CCDC178: variants seen among roughly 807,000 people sequenced by gnomAD.
CCDC178 encodes coiled-coil domain containing 178.
In CCDC178, 126 loss-of-function variants were observed where a neutral mutation model predicts 117.4. The observed-to-expected ratio is 1.07, with a 90% CI of 0.93 to 1.24. The LOEUF (loss-of-function observed/expected upper bound fraction) is 1.24. Ranked by LOEUF, CCDC178 falls within the 50% of genes most tolerant of loss-of-function variation. CCDC178 has a pLI of 0.00. For synonymous variants in CCDC178, 283 were observed against 313.4 expected (o/e 0.90, Z 1.02); for missense variants, 1,030 against 986.9 (o/e 1.04, Z -0.59).
intron 3 of CCDC178, among the ~76,000 whole-genome samples, chr18:33,405,943 A>G (rs891039582): frequency 2.6e-5 from 4 of 152,072 alleles, no homozygotes; most frequent in African/African-American, 9.7e-5. Context: ...TAAGAATACT[A>G]TATAAGTATA....
At chr18:33,309,905 CAAAAT>C (rs2062312067) in intron 11 of CCDC178, among the ~76,000 whole-genome samples, 1 of 151,614 alleles carries the variant, frequency 6.6e-6, no homozygotes, top group African/African-American at 2.4e-5. Context: ...TTGTCCAAAA[CAAAAT>C]GATTGTTTTT....
chr18:32,984,896 CT>C (rs1188960429), intron 21 of CCDC178, among the ~76,000 whole-genome samples: 1 of 151,814 alleles, frequency 6.6e-6, no homozygotes, highest in Non-Finnish European at 1.5e-5. Context: ...AATTAAGTAC[CT>C]TGATTTTAAA....
intron 22 of CCDC178, among the ~76,000 whole-genome samples, chr18:32,946,960 TTAG>T (rs1410579900): frequency 1.3e-5 from 2 of 151,988 alleles, no homozygotes; most frequent in African/African-American, 2.4e-5. Context: ...TTTTGTATTT[TTAG>T]TAGAGACGGG....
At chr18:33,003,485 T>A (rs1242205312) in intron 21 of CCDC178, among the ~76,000 whole-genome samples, 1 of 152,070 alleles carries the variant, frequency 6.6e-6, no homozygotes, top group Non-Finnish European at 1.5e-5. Context: ...AAATTTAACA[T>A]CCTTTCATAA....
intron 10 of CCDC178, among the ~76,000 whole-genome samples, chr18:33,331,697 A>G (rs369077141): frequency 1.3e-5 from 2 of 152,276 alleles, no homozygotes; most frequent in African/African-American, 4.8e-5. Flanking sequence ...GTCTATTACT[A>G]AAAAAGGAGG....
intron 19 of CCDC178, among the ~76,000 whole-genome samples, chr18:33,213,269 G>A (rs572056499): frequency 5.7e-4 from 87 of 151,884 alleles, no homozygotes; most frequent in Non-Finnish European, 6.6e-4. Context: ...TCTGCTCTTC[G>A]TTATAGCTGT....
chr18:33,267,081 A>G (rs1326516941), intron 13 of CCDC178, 29 bp from the exon 14 acceptor site: 25 of 1,562,230 alleles, frequency 1.6e-5, no homozygotes, highest in Non-Finnish European at 2.2e-5. Flanking sequence ...AGAATCATTC[A>G]TACATGTCTA....
At chr18:33,032,862 A>G (rs769449699) in intron 21 of CCDC178, among the ~76,000 whole-genome samples, 1 of 152,008 alleles carries the variant, frequency 6.6e-6, no homozygotes, top group Non-Finnish European at 1.5e-5. Context: ...GAAATCTGAC[A>G]CCCTTAATTA....
At chr18:33,301,761 T>A (rs1026630839) in intron 11 of CCDC178, among the ~76,000 whole-genome samples, 3 of 152,228 alleles carry the variant, frequency 2.0e-5, no homozygotes, top group African/African-American at 7.2e-5. Context: ...ACCCAGTGCC[T>A]ATACTACCAT....
At chr18:33,043,077 G>A (rs909994571) in intron 21 of CCDC178, among the ~76,000 whole-genome samples, 1 of 151,932 alleles carries the variant, frequency 6.6e-6, no homozygotes. Flanking sequence ...AAATTCATTT[G>A]AAGAAAATAC....
intron 20 of CCDC178, among the ~76,000 whole-genome samples, chr18:33,103,253 C>A (rs1215312698): frequency 6.6e-6 from 1 of 151,696 alleles, no homozygotes; most frequent in African/African-American, 2.4e-5. Flanking sequence ...ATAAAACCAT[C>A]AGATCTAGTG....
chr18:33,228,093 G>T (rs2059329182), intron 15 of CCDC178, among the ~76,000 whole-genome samples: 1 of 152,132 alleles, frequency 6.6e-6, no homozygotes, highest in African/African-American at 2.4e-5. Context: ...GTATGTATGG[G>T]CATGTGTGCT....
chr18:33,377,277 C>T (rs2063379269), intron 5 of CCDC178, among the ~76,000 whole-genome samples: 1 of 149,338 alleles, frequency 6.7e-6, no homozygotes, highest in Non-Finnish European at 1.5e-5. Flanking sequence ...GTCTTTTGCC[C>T]ACTTCTTAAT....
At chr18:33,371,790 C>T (rs1179928584) in intron 5 of CCDC178, among the ~76,000 whole-genome samples, 15 of 124,314 alleles carry the variant, frequency 1.2e-4, no homozygotes, top group African/African-American at 3.8e-4. Context: ...TATATACACA[C>T]ACACACACAC....
chr18:33,386,878 A>G (rs2063500291), intron 5 of CCDC178, among the ~76,000 whole-genome samples: 1 of 152,164 alleles, frequency 6.6e-6, no homozygotes, highest in Non-Finnish European at 1.5e-5. Flanking sequence ...GCAATCACGT[A>G]AGGGAAAAAA....
intron 6 of CCDC178, 84 bp from the exon 7 acceptor site, chr18:33,356,430 T>C (rs2144714207): frequency 8.0e-7 from 1 of 1,256,880 alleles, no homozygotes; most frequent in Non-Finnish European, 1.1e-6. Flanking sequence ...TTGTCAATTC[T>C]CTACTTTACA....
chr18:33,398,166 T>G (rs1275161329), intron 3 of CCDC178, among the ~76,000 whole-genome samples: 3 of 152,042 alleles, frequency 2.0e-5, no homozygotes, highest in Admixed American at 2.0e-4. Flanking sequence ...TATCTGAATA[T>G]GTCTAATATT....
intron 15 of CCDC178, among the ~76,000 whole-genome samples, chr18:33,237,565 G>A (rs1308404209): frequency 6.6e-6 from 1 of 151,002 alleles, no homozygotes; most frequent in Non-Finnish European, 1.5e-5. Flanking sequence ...CCCCCTGGCT[G>A]AAATGCCCCC....
Position 33,384,388 on chromosome 18 carries a change from T to C in CCDC178, c.208+5152A>G, listed in dbSNP as rs577974126. On this transcript the variant is annotated intron_variant, in intron 5 of 22. Coordinates refer to ENST00000383096, the MANE Select transcript of CCDC178 (RefSeq NM_001105528.4). ...ACTCCAGCAAGATATTCTGAGAAGA[T>C]TTATCCCCAAGACACATAATCATCA... Among the ~76,000 whole-genome samples, 42 of 152,100 alleles carry C rather than the reference T, an allele frequency of 2.8e-4. No homozygotes were observed. In the South Asian group the frequency reaches 8.7e-3, roughly 32 times the overall value.
Sources: gnomAD v4.1 joint callset for allele counts (sites outside exome capture counted in the v4.1 genomes callset) on GRCh38, gnomAD v4.1.1 for gene constraint, MANE v1.5 for transcripts, NCBI Gene and HGNC (gene_info 2026-07-23, HGNC 2026-07-21) for gene names.